The following MDGA1 variants were observed in gnomAD, a reference collection of about 807,000 sequenced individuals.
MDGA1 encodes the protein MAM domain containing glycosylphosphatidylinositol anchor 1, also known as MAM domain-containing glycosylphosphatidylinositol anchor protein 1.
In MDGA1, 54 loss-of-function variants were observed where a neutral mutation model predicts 101.5. That is an observed-to-expected ratio of 0.53 (90% CI 0.43 to 0.67). The LOEUF (loss-of-function observed/expected upper bound fraction) is 0.67, where lower values mean the gene tolerates loss of function less well. Ranked by LOEUF, MDGA1 falls within the 30% of genes least tolerant of loss-of-function variation. MDGA1 has a pLI of 0.00. For missense variants in MDGA1, 1,083 were observed against 1,323.8 expected (o/e 0.82, Z 2.82); for synonymous variants, 533 against 558.3 (o/e 0.95, Z 0.64).
Position 37,652,365 on chromosome 6 carries a change from G to A in MDGA1, c.983-25C>T, listed in dbSNP as rs777814983. On this transcript the variant is annotated intron_variant, in intron 6 of 16. Transcript: ENST00000434837. The surrounding 1 kb of genome is among the most constrained non-coding windows in gnomAD (Gnocchi z 4.3). ...GCTGTGAGTGGATGGGGAGGGAAGG[G>A]TAGTTGGGGTTGGCCTGACTCCAGG... 1.1e-5 allele frequency: 17 copies of A among 1,562,658 alleles called. No individual in the cohort carries two copies. Among genetic ancestry groups the A allele is most frequent in the Non-Finnish European group, 1.5e-5 (17 of 1,149,506 alleles).
chr6:37,683,611 G>A (rs1762139613), intron 1 of MDGA1, among the ~76,000 whole-genome samples: 1 of 152,216 alleles, frequency 6.6e-6, no homozygotes, highest in Non-Finnish European at 1.5e-5. Flanking sequence ...ACCCCCAGGA[G>A]CAACCTCACC....
chr6:37,642,129 G>A (rs1764098619), intron 14 of MDGA1, among the ~76,000 whole-genome samples: 2 of 133,494 alleles, frequency 1.5e-5, no homozygotes, highest in Non-Finnish European at 3.2e-5. Flanking sequence ...AAAATGGGAG[G>A]AAATAGATTA....
At chr6:37,648,159 C>A (rs541690190) in intron 9 of MDGA1, 5 of 152,578 alleles carry the variant, frequency 3.3e-5, no homozygotes, top group Admixed American at 2.6e-4. Flanking sequence ...CTGAGAATGC[C>A]TCGAAGAGCT....
rs1299602138 is a variant in MDGA1 at position 37,631,709 on chromosome 6, A to C, written c.*5659T>G. On this transcript the variant is annotated 3_prime_UTR_variant, in exon 17 of 17. Coordinates refer to ENST00000434837, the MANE Select transcript of MDGA1 (RefSeq NM_153487.4). Reference sequence around the variant, plus strand: ...CTACAATATATGAGTAGATGTTTGAAATAAGTGACCTTTAAGGACCTCCTA... The same window carrying C: ...CTACAATATATGAGTAGATGTTTGACATAAGTGACCTTTAAGGACCTCCTA... 1 of 152,176 alleles carries C rather than the reference A, an allele frequency of 6.6e-6. No individual in the cohort carries two copies. The highest frequency in any genetic ancestry group is 2.4e-5 in the African/African-American group (1 of 41,424). The allele number at this position is 152,176 out of a possible 1,614,324, so 9.4% of individuals were successfully genotyped here.
chr6:37,671,389 T>C (rs1761865956), intron 1 of MDGA1, among the ~76,000 whole-genome samples: 1 of 152,126 alleles, frequency 6.6e-6, no homozygotes, highest in Admixed American at 6.5e-5. Context: ...TTCTGTAAAA[T>C]TAGTGGAGAA....
In MDGA1 at chr6:37,664,116, G is replaced by A. The variant is rs369664721; in HGVS notation, c.68-10C>T. ...TGCGCCTGGGCTGGAGCTGGCAGGA[G>A]AGGATGGAGGAGGAGGTTTAGAGAA... On this transcript the variant is annotated splice_polypyrimidine_tract_variant and intron_variant, in intron 1 of 16. Transcript: ENST00000434837. The A allele has an allele frequency of 2.5e-6, 4 of 1,613,638 alleles. No individual in the cohort carries two copies. Among genetic ancestry groups the A allele is most frequent in the East Asian group, 2.2e-5 (1 of 44,880 alleles).
intron 14 of MDGA1, among the ~76,000 whole-genome samples, chr6:37,641,331 G>A (rs973999944): frequency 6.6e-6 from 1 of 152,182 alleles, no homozygotes; most frequent in Non-Finnish European, 1.5e-5. Flanking sequence ...TCAGAGCCAG[G>A]TATCTCATAT....
chr6:37,638,519 T>A lies in MDGA1; in HGVS notation c.2667+18A>T. ...ACCACCGAAGCCGGGGAGGGTCCTC[T>A]GGGCCCTACGGACTCACCTGGAAGG... On this transcript the variant is annotated intron_variant, in intron 15 of 16. Transcript: ENST00000434837. This position sits in a 1 kb window ranked among gnomAD's most constrained non-coding sequence, Gnocchi z 4.8. 2 of 1,613,482 alleles carry A rather than the reference T, an allele frequency of 1.2e-6. No homozygotes were observed. Among genetic ancestry groups the A allele is most frequent in the Non-Finnish European group, 1.7e-6 (2 of 1,179,700 alleles).
chr6:37,664,307 AAG>A, intron 1 of MDGA1: 3 of 598,126 alleles, frequency 5.0e-6, no homozygotes, highest in East Asian at 2.8e-5. Flanking sequence ...GAACTCAGGA[AAG>A]GGACAGTTCC....
Position 37,650,175 on chromosome 6 carries a change from G to A in MDGA1, c.1543C>T (p.Gln515Ter). The A allele has an allele frequency of 6.2e-7, 1 of 1,612,198 alleles. No homozygotes were observed. The highest frequency in any genetic ancestry group is 8.5e-7 in the Non-Finnish European group (1 of 1,178,752). Residue 515 changes from glutamine (Q) to a stop codon, truncating the protein, a stop_gained, in exon 8 of 17, where the codon CAG becomes TAG. Transcript: ENST00000434837. LOFTEE classifies it high-confidence loss of function. ...SRDMSGTYRCQTARYNGFNVR... is the reference protein window; with the variant it reads ...SRDMSGTYRC ...TTGAAGCCATTATAGCGGGCCGTCT[G>A]GCAGCGGTAGGTCCCGCTCATGTCT...
intron 1 of MDGA1, among the ~76,000 whole-genome samples, chr6:37,693,853 C>T (rs2114116621): frequency 6.6e-6 from 1 of 152,350 alleles, no homozygotes; most frequent in South Asian, 2.1e-4. Flanking sequence ...GCCGTTGTAG[C>T]ATCTGTGCCC....
At position 37,658,227 on chromosome 6, in the gene MDGA1, G is replaced by GA. The variant is rs770997225; in HGVS notation, c.382+17dup. On this transcript the variant is annotated intron_variant, in intron 3 of 16. Coordinates refer to ENST00000434837, the MANE Select transcript of MDGA1 (RefSeq NM_153487.4). ...GCTGGGCTGTCAGGGCCCGGGGAGA[G>GA]AGGGGGCCTCAACTCACACTGCACG... The GA allele has an allele frequency of 1.3e-6, 2 of 1,557,802 alleles. No individual in the cohort carries two copies. Among genetic ancestry groups the GA allele is most frequent in the Non-Finnish European group, 1.7e-6 (2 of 1,150,048 alleles).
rs1254450567 is a variant in MDGA1, at chr6:37,664,029, T to C, written c.145A>G (p.Thr49Ala). The change falls in exon 2 of 17, where the codon ACC becomes GCC. Residue 49 changes from threonine to alanine, a missense_variant. Coordinates refer to ENST00000434837, the MANE Select transcript of MDGA1 (RefSeq NM_153487.4). ...ATGAGGGTGTCCCCCTCCCGGATGG[T>C]GTAGACACGCTCGCTGATATTGTCC... is the stretch of plus-strand genomic sequence containing the variant. Reference protein sequence around the residue: ...KEDNISERVYTIREGDTLMLQ... With the variant: ...KEDNISERVYAIREGDTLMLQ... 5 of 1,613,718 alleles carry C rather than the reference T, an allele frequency of 3.1e-6. No individual in the cohort carries two copies. In the South Asian group the frequency reaches 3.3e-5, roughly 11 times the overall value.
chr6:37,658,831 C>A (rs184773682), intron 2 of MDGA1, among the ~76,000 whole-genome samples: 136 of 152,008 alleles, frequency 8.9e-4, no homozygotes, highest in African/African-American at 3.1e-3. Flanking sequence ...ATTAGCCGGG[C>A]GTTATGGCGC....
intron 1 of MDGA1, among the ~76,000 whole-genome samples, chr6:37,674,533 C>T (rs1351030225): frequency 1.3e-5 from 2 of 152,178 alleles, no homozygotes; most frequent in Non-Finnish European, 2.9e-5. Context: ...AGCACCACTG[C>T]GCCCACATCC....
chr6:37,650,001 G>A, intron 8 of MDGA1, 108 bp downstream of exon 8: 2 of 1,312,180 alleles, frequency 1.5e-6, no homozygotes, highest in South Asian at 2.4e-5. Flanking sequence ...AGGAGTAGCT[G>A]GTGGGGTTTG....
chr6:37,687,854 A>G (rs970997689), intron 1 of MDGA1, among the ~76,000 whole-genome samples: 6 of 152,144 alleles, frequency 3.9e-5, no homozygotes, highest in African/African-American at 1.4e-4. Context: ...CCTATTAAAA[A>G]TCAAAGAAAA....
intron 5 of MDGA1, 92 bp from the exon 6 acceptor site, chr6:37,654,635 G>T: frequency 6.3e-7 from 1 of 1,584,884 alleles, no homozygotes; most frequent in South Asian, 1.1e-5. Context: ...AGAGGCTGGA[G>T]AAGCCCTCAG....
chr6:37,664,546 G>C (rs7765388), intron 1 of MDGA1, among the ~76,000 whole-genome samples: 76,867 of 149,906 alleles, frequency 0.51, 20,964 homozygotes, highest in East Asian at 0.67. Flanking sequence ...TTAGCCAAGA[G>C]AGCTGCCTTG....
Sources: allele counts gnomAD v4.1 joint callset (sites outside exome capture counted in the v4.1 genomes callset), GRCh38; gene constraint gnomAD v4.1.1; non-coding constraint Gnocchi (gnomAD v3.1); transcripts MANE v1.5; gene names NCBI Gene and HGNC (gene_info 2026-07-23, HGNC 2026-07-21).